The following CAMK1D variants were observed in gnomAD, a reference collection of about 807,000 sequenced individuals.
CAMK1D encodes calcium/calmodulin-dependent protein kinase type 1D.
A neutral mutation model predicts 47.7 loss-of-function variants in CAMK1D; 9 were observed. That is an observed-to-expected ratio of 0.19 (90% confidence interval 0.11 to 0.33). The LOEUF (loss-of-function observed/expected upper bound fraction) is 0.33, where lower values mean the gene tolerates loss of function less well. CAMK1D is among the 10% of genes least tolerant of loss of function. The pLI is 1.00. For missense variants in CAMK1D, 291 were observed against 488.7 expected, an observed-to-expected ratio of 0.60 and a Z score of 3.81; for synonymous variants, 184 against 184.9, an observed-to-expected ratio of 0.99 and a Z score of 0.04.
At chr10:12,524,593 G>C (rs567914708) in intron 1 of CAMK1D, among the ~76,000 whole-genome samples, 1 of 152,106 alleles carries the variant, frequency 6.6e-6, no homozygotes, top group South Asian at 2.1e-4. Flanking sequence ...TGTGGTCCCA[G>C]CTACTCAGGA....
At chr10:12,387,444 T>TA (rs1564307221) in intron 1 of CAMK1D, among the ~76,000 whole-genome samples, 10 of 48,660 alleles carry the variant, frequency 2.1e-4, no homozygotes, top group African/African-American at 3.7e-4. Context: ...TTATATATAT[T>TA]TTATATATAT....
chr10:12,419,088 T>A (rs1839954964), intron 1 of CAMK1D, among the ~76,000 whole-genome samples: 1 of 152,168 alleles, frequency 6.6e-6, no homozygotes, highest in African/African-American at 2.4e-5. Context: ...TGAGAGGTCA[T>A]CCGTTTCAAA....
intron 2 of CAMK1D, among the ~76,000 whole-genome samples, chr10:12,665,443 A>G (rs889243349): frequency 1.3e-5 from 2 of 152,210 alleles, no homozygotes; most frequent in African/African-American, 4.8e-5. Flanking sequence ...CAGCCTTTCA[A>G]TATCATTCAT....
At chr10:12,397,366 T>C (rs1276783955) in intron 1 of CAMK1D, among the ~76,000 whole-genome samples, 1 of 152,346 alleles carries the variant, frequency 6.6e-6, no homozygotes, top group South Asian at 2.1e-4. Flanking sequence ...GTAGCCCTGC[T>C]GAGTCACTAA....
At chr10:12,438,640 C>T (rs188467309) in intron 1 of CAMK1D, among the ~76,000 whole-genome samples, 52 of 152,352 alleles carry the variant, frequency 3.4e-4, no homozygotes, top group African/African-American at 1.2e-3. Flanking sequence ...GCAACGACTG[C>T]TGACCTCTTA....
At chr10:12,538,905 GAGAA>G (rs1482250915) in intron 1 of CAMK1D, among the ~76,000 whole-genome samples, 34 of 127,996 alleles carry the variant, frequency 2.7e-4, no homozygotes, top group Admixed American at 1.3e-3. Flanking sequence ...AAAAAAAAAA[GAGAA>G]AGGAAGAGTG....
intron 2 of CAMK1D, among the ~76,000 whole-genome samples, chr10:12,592,747 A>C (rs972238990): frequency 6.6e-6 from 1 of 152,122 alleles, no homozygotes; most frequent in African/African-American, 2.4e-5. Context: ...TACTGCTACT[A>C]TTTCTCCCGT....
chr10:12,563,664 T>TGAGAGAGAGAGAGA lies in CAMK1D; in HGVS notation c.224+10330_224+10343dup, dbSNP rs373932374. On this transcript the variant is annotated intron_variant, in intron 2 of 10. Transcript: ENST00000619168. Reference sequence around the variant, plus strand: ...GGCATTCCAGAAGAGGCGGAAGGTTTGAGAGAGAGAGAGAGAGAGAGAGAG... The same window carrying TGAGAGAGAGAGAGA: ...GGCATTCCAGAAGAGGCGGAAGGTTTGAGAGAGAGAGAGAGAGAGAGAGAGAGAGAGAGAGAGAG... Among the ~76,000 whole-genome samples the TGAGAGAGAGAGAGA allele has an allele frequency of 4.3e-3, 559 of 130,026 alleles. 7 individuals are homozygous for TGAGAGAGAGAGAGA. Among genetic ancestry groups the TGAGAGAGAGAGAGA allele is most frequent in the East Asian group, 0.034 (129 of 3,840 alleles). 85.3% of individuals were successfully genotyped at this position (130,026 alleles called of 152,430 possible).
chr10:12,469,127 G>A (rs1004796483), intron 1 of CAMK1D, among the ~76,000 whole-genome samples: 1 of 152,030 alleles, frequency 6.6e-6, no homozygotes, highest in Non-Finnish European at 1.5e-5. Flanking sequence ...GGAGGGGGGC[G>A]GTGCTGTGTA....
At chr10:12,805,200 A>G (rs148271042) in intron 6 of CAMK1D, among the ~76,000 whole-genome samples, 1 of 151,246 alleles carries the variant, frequency 6.6e-6, no homozygotes, top group Admixed American at 6.6e-5. Context: ...TAGAGGTTGC[A>G]GTGAGCCGAG....
intron 3 of CAMK1D, among the ~76,000 whole-genome samples, chr10:12,733,348 A>G (rs1031012865): frequency 6.6e-6 from 1 of 152,196 alleles, no homozygotes; most frequent in Non-Finnish European, 1.5e-5. Flanking sequence ...TTTTAAGAGA[A>G]AAATTGCAGA....
chr10:12,598,023 AT>A (rs1212058546), intron 2 of CAMK1D, among the ~76,000 whole-genome samples: 3 of 152,242 alleles, frequency 2.0e-5, no homozygotes, highest in African/African-American at 7.2e-5. Flanking sequence ...TGACATTAAG[AT>A]GGACGATGCC....
At chr10:12,796,120 G>A (rs145023473) in intron 6 of CAMK1D, among the ~76,000 whole-genome samples, 2 of 152,202 alleles carry the variant, frequency 1.3e-5, no homozygotes, top group Admixed American at 6.5e-5. Flanking sequence ...ATTATTTAAC[G>A]ATCATTTGCC....
At chr10:12,669,506 A>G (rs980226228) in intron 3 of CAMK1D, among the ~76,000 whole-genome samples, 8 of 152,286 alleles carry the variant, frequency 5.3e-5, no homozygotes, top group Admixed American at 4.6e-4. Flanking sequence ...ATCCTTTTTT[A>G]TTGGTTCTCA....
chr10:12,611,588 C>CTTTTTTTTTTTTTCTTTT (rs1838622730), intron 2 of CAMK1D, among the ~76,000 whole-genome samples: 1 of 59,904 alleles, frequency 1.7e-5, no homozygotes, highest in East Asian at 7.5e-4. Flanking sequence ...TTCAGAATGC[C>CTTTTTTTTTTTTTCTTTT]TTTTTTTTTT....
intron 2 of CAMK1D, among the ~76,000 whole-genome samples, chr10:12,574,894 A>G (rs903512282): frequency 9.2e-5 from 14 of 151,980 alleles, no homozygotes; most frequent in Admixed American, 8.5e-4. Flanking sequence ...GCACGCTTCT[A>G]ACAACCAGAT....
intron 8 of CAMK1D, among the ~76,000 whole-genome samples, chr10:12,820,053 C>T (rs1353488592): frequency 2.6e-5 from 4 of 152,126 alleles, no homozygotes; most frequent in African/African-American, 9.7e-5. Flanking sequence ...CACGCTGCAC[C>T]GGAGGTGGTG....
At chr10:12,436,114 G>A (rs1011660944) in intron 1 of CAMK1D, among the ~76,000 whole-genome samples, 2 of 152,210 alleles carry the variant, frequency 1.3e-5, no homozygotes, top group Non-Finnish European at 2.9e-5. Flanking sequence ...GTGGGAGACT[G>A]AGTGCCAATG....
intron 1 of CAMK1D, among the ~76,000 whole-genome samples, chr10:12,512,745 T>G (rs1835077308): frequency 6.6e-6 from 1 of 152,142 alleles, no homozygotes; most frequent in African/African-American, 2.4e-5. Context: ...GAAGAGAGAT[T>G]GTGCTCATAA....
Sources: gnomAD v4.1 joint callset for allele counts (sites outside exome capture counted in the v4.1 genomes callset) on GRCh38, gnomAD v4.1.1 for gene constraint, MANE v1.5 for transcripts, NCBI Gene and HGNC (gene_info 2026-07-23, HGNC 2026-07-21) for gene names.